Variants in MSRA observed in about 807,000 individuals in gnomAD.
The protein encoded by MSRA is methionine sulfoxide reductase A.
Under a neutral mutation model 31.3 loss-of-function variants are expected in MSRA, and 54 were observed. The observed-to-expected ratio is 1.73, with a 90% CI of 1.39 to 2.17. MSRA has a LOEUF of 2.17. MSRA is among the 30% of genes most tolerant of loss of function. The pLI is 0.00. For missense variants in MSRA, 507 were observed against 300.9 expected, an observed-to-expected ratio of 1.69 and a Z score of -5.07; for synonymous variants, 169 against 116.5, an observed-to-expected ratio of 1.45 and a Z score of -2.90.
At chr8:10,175,809 C>T (rs1242866664) in intron 1 of MSRA, among the ~76,000 whole-genome samples, 1 of 152,188 alleles carries the variant, frequency 6.6e-6, no homozygotes, top group East Asian at 1.9e-4. Context: ...TTACTTTCTC[C>T]TTTTGTGTGG....
intron 1 of MSRA, among the ~76,000 whole-genome samples, chr8:10,150,435 A>G (rs1803563324): frequency 6.6e-6 from 1 of 152,222 alleles, no homozygotes; most frequent in African/African-American, 2.4e-5. Context: ...TATTAAATAC[A>G]TAACTCTAAA....
At chr8:10,247,493 A>C (rs915760802) in intron 3 of MSRA, among the ~76,000 whole-genome samples, 8 of 152,196 alleles carry the variant, frequency 5.3e-5, no homozygotes, top group Non-Finnish European at 1.0e-4. Flanking sequence ...TAAATGATTA[A>C]GGAGAATGCC....
intron 1 of MSRA, among the ~76,000 whole-genome samples, chr8:10,117,462 T>C (rs1336795558): frequency 6.6e-6 from 1 of 152,222 alleles, no homozygotes. Context: ...CTTGTCCCCA[T>C]GGAAGTGTGA....
rs577209544 is a variant in MSRA, at chr8:10,221,428, A to G, written c.211+13527A>G. Among the ~76,000 whole-genome samples, 13 of 139,080 alleles carry G rather than the reference A, an allele frequency of 9.3e-5. No homozygotes were observed. The South Asian group carries it at 2.8e-3, about 30-fold the overall frequency. 91.2% of individuals were successfully genotyped at this position (139,080 alleles called of 152,430 possible). On this transcript the variant is annotated intron_variant, in intron 2 of 5. Coordinates refer to ENST00000317173, the MANE Select transcript of MSRA (RefSeq NM_012331.5). ...CTACATATTATAAATATATATATGT[A>G]TATATGTGTATATATACATATATAT... is the stretch of plus-strand genomic sequence containing the variant.
intron 3 of MSRA, chr8:10,250,901 A>G (rs1279183785): frequency 6.5e-6 from 1 of 154,836 alleles, no homozygotes; most frequent in African/African-American, 2.4e-5. Flanking sequence ...GATAAAAATA[A>G]AAAAAATTGT....
intron 1 of MSRA, among the ~76,000 whole-genome samples, chr8:10,178,479 AAG>A (rs1444409495): frequency 1.3e-5 from 2 of 152,184 alleles, no homozygotes; most frequent in East Asian, 3.8e-4. Flanking sequence ...CCAAGCAGGA[AAG>A]TAATTGAAAA....
At chr8:10,400,539 C>G (rs1295406712) in intron 5 of MSRA, among the ~76,000 whole-genome samples, 1 of 152,100 alleles carries the variant, frequency 6.6e-6, no homozygotes, top group Admixed American at 6.5e-5. Flanking sequence ...TCCATGCTGA[C>G]TTGGGATGGT....
chr8:10,096,019 A>T, intron 1 of MSRA: 1 of 1,456,564 alleles, frequency 6.9e-7, no homozygotes, highest in Non-Finnish European at 9.1e-7. Flanking sequence ...AATCAGAAAG[A>T]CATCCTTCGG....
intron 1 of MSRA, among the ~76,000 whole-genome samples, chr8:10,096,598 T>G (rs1394445479): frequency 1.3e-5 from 2 of 152,258 alleles, no homozygotes; most frequent in Non-Finnish European, 2.9e-5. Flanking sequence ...AAACGATTAC[T>G]GTAGCCTGGC....
chr8:10,290,626 C>T (rs1050990513), intron 3 of MSRA, among the ~76,000 whole-genome samples: 3 of 152,038 alleles, frequency 2.0e-5, no homozygotes, highest in African/African-American at 2.4e-5. Flanking sequence ...GAGGGGGAGG[C>T]GTGAGAGTAT....
intron 1 of MSRA, among the ~76,000 whole-genome samples, chr8:10,134,233 C>G (rs898538220): frequency 6.6e-6 from 1 of 152,202 alleles, no homozygotes; most frequent in Non-Finnish European, 1.5e-5. Flanking sequence ...TCTATTGTTT[C>G]ACTGGAAGTG....
At chr8:10,288,576 T>C (rs1025485104) in intron 3 of MSRA, among the ~76,000 whole-genome samples, 65 of 152,302 alleles carry the variant, frequency 4.3e-4, no homozygotes, top group African/African-American at 1.5e-3. Flanking sequence ...ACTGATGCTT[T>C]TGGCACTGTC....
At chr8:10,273,186 C>T (rs2952172) in intron 3 of MSRA, among the ~76,000 whole-genome samples, 112,116 of 152,094 alleles carry the variant, frequency 0.74, 41,363 homozygotes, top group Admixed American at 0.81. Context: ...GTGAGTTGTT[C>T]AATCTGTTAG....
intron 5 of MSRA, among the ~76,000 whole-genome samples, chr8:10,357,233 A>G (rs560857799): frequency 6.6e-6 from 1 of 152,236 alleles, no homozygotes. Flanking sequence ...TTTCAACTCT[A>G]TGAATTTGTT....
chr8:10,163,800 C>A (rs1804877799), intron 1 of MSRA, among the ~76,000 whole-genome samples: 1 of 152,224 alleles, frequency 6.6e-6, no homozygotes, highest in Non-Finnish European at 1.5e-5. Flanking sequence ...ACAGGCCCTA[C>A]CCAGATGGAC....
At chr8:10,296,468 A>G (rs985212473) in intron 3 of MSRA, among the ~76,000 whole-genome samples, 3 of 152,220 alleles carry the variant, frequency 2.0e-5, no homozygotes, top group East Asian at 1.9e-4. Context: ...ATTCCCATCT[A>G]AAAAAGTAGG....
At chr8:10,147,062 G>A (rs982169597) in intron 1 of MSRA, among the ~76,000 whole-genome samples, 4 of 152,286 alleles carry the variant, frequency 2.6e-5, no homozygotes, top group Admixed American at 6.5e-5. Flanking sequence ...GATGAGTGCC[G>A]GTTGCAGTGA....
chr8:10,249,622 C>A (rs1043021154), intron 3 of MSRA, among the ~76,000 whole-genome samples: 1 of 152,176 alleles, frequency 6.6e-6, no homozygotes, highest in Non-Finnish European at 1.5e-5. Flanking sequence ...CCTCTGAAAG[C>A]CACCCACCAC....
At chr8:10,086,581 C>G (rs1798567669) in intron 1 of MSRA, among the ~76,000 whole-genome samples, 1 of 152,144 alleles carries the variant, frequency 6.6e-6, no homozygotes, top group Non-Finnish European at 1.5e-5. Flanking sequence ...AAAGTAATAC[C>G]TATTTTCCTC....
Sources: allele counts gnomAD v4.1 joint callset (sites outside exome capture counted in the v4.1 genomes callset), GRCh38; gene constraint gnomAD v4.1.1; transcripts MANE v1.5; gene names NCBI Gene and HGNC (gene_info 2026-07-23, HGNC 2026-07-21).